The following SLC25A31 variants were observed in gnomAD, a reference collection of about 807,000 sequenced individuals.
The protein encoded by SLC25A31 is ADP/ATP translocase 4.
In SLC25A31, 40 loss-of-function variants were observed where a neutral mutation model predicts 36.2. The observed-to-expected ratio is 1.10, with a 90% CI of 0.86 to 1.44. The LOEUF (loss-of-function observed/expected upper bound fraction) is 1.44, where lower values mean the gene tolerates loss of function less well. SLC25A31 is among the 40% of genes most tolerant of loss of function. The pLI, the probability that SLC25A31 is intolerant of heterozygous loss-of-function variation, is 0.00. For missense variants in SLC25A31, 350 were observed against 397.1 expected (o/e 0.88, Z 1.01); for synonymous variants, 143 against 149.7 (o/e 0.96, Z 0.32).
In SLC25A31 at chr4:127,767,125, G is replaced by A; in HGVS notation, c.538G>A (p.Asp180Asn). The A allele has an allele frequency of 6.2e-7, 1 of 1,613,830 alleles. No individual in the cohort carries two copies. The change falls in exon 4 of 6, where the codon GAT (aspartate) becomes AAT (asparagine). Residue 180 changes from aspartate (D) to asparagine (N), a missense_variant. Transcript: ENST00000281154. Reference sequence around the variant, plus strand: ...CTGTATTATGAAAATAGCAAAATCAGATGGAATTGCTGGTTTATACCAAGG... The same window carrying A: ...CTGTATTATGAAAATAGCAAAATCAAATGGAATTGCTGGTTTATACCAAGG... ...GDCIMKIAKS[D>N]GIAGLYQGFG...
intron 1 of SLC25A31, among the ~76,000 whole-genome samples, chr4:127,739,769 C>G (rs1184769998): frequency 6.6e-6 from 1 of 151,932 alleles, no homozygotes; most frequent in African/African-American, 2.4e-5. Flanking sequence ...AGACTTTGTT[C>G]ATTTATTAAA....
intron 5 of SLC25A31, among the ~76,000 whole-genome samples, chr4:127,770,138 A>G (rs1047696111): frequency 6.6e-6 from 1 of 152,190 alleles, no homozygotes; most frequent in African/African-American, 2.4e-5. Context: ...GATAATACTT[A>G]GAGTTATTCC....
intron 1 of SLC25A31, among the ~76,000 whole-genome samples, chr4:127,736,091 T>A (rs905050243): frequency 6.6e-6 from 1 of 151,010 alleles, no homozygotes; most frequent in African/African-American, 2.4e-5. Flanking sequence ...GGGTTTCACC[T>A]TGTTAGCCAG....
At chr4:127,747,158 C>T (rs1731841471) in intron 2 of SLC25A31, among the ~76,000 whole-genome samples, 1 of 152,164 alleles carries the variant, frequency 6.6e-6, no homozygotes, top group African/African-American at 2.4e-5. Flanking sequence ...TAGTACCATG[C>T]TGTTTTGGTT....
intron 3 of SLC25A31, among the ~76,000 whole-genome samples, chr4:127,765,347 T>A (rs900346198): frequency 3.9e-5 from 6 of 152,242 alleles, no homozygotes; most frequent in African/African-American, 1.4e-4. Flanking sequence ...GTTCAGCTTT[T>A]TCTGCTCTAT....
rs1732056095 is a variant in SLC25A31, at chr4:127,757,698, T to C, written c.361-6545T>C. Among the ~76,000 whole-genome samples the C allele has an allele frequency of 3.3e-5, 5 of 152,192 alleles. 1 individual carries two copies. In the South Asian group the frequency reaches 1.0e-3, roughly 31 times the overall value. ...GTTCTATTTTTAGTTCTTTGAGATA[T>C]CTCCATACTGTTTTCCATGGGGGTT... On this transcript the variant is annotated intron_variant, in intron 2 of 5. Coordinates refer to ENST00000281154, the MANE Select transcript of SLC25A31 (RefSeq NM_031291.4).
At chr4:127,766,147 T>A (rs1390138736) in intron 3 of SLC25A31, among the ~76,000 whole-genome samples, 1 of 92,208 alleles carries the variant, frequency 1.1e-5, no homozygotes, top group Non-Finnish European at 2.3e-5. Context: ...GGAGTTTTTT[T>A]ATTTGTTTTT....
At chr4:127,760,921 C>T (rs1732115779) in intron 2 of SLC25A31, among the ~76,000 whole-genome samples, 1 of 152,138 alleles carries the variant, frequency 6.6e-6, no homozygotes, top group South Asian at 2.1e-4. Context: ...CGCCTGTAGT[C>T]CCAGCACTCC....
rs755930570 is a variant in SLC25A31 at position 127,773,903 on chromosome 4, C to A, written c.*329C>A. 7 of 172,582 alleles carry A rather than the reference C, an allele frequency of 4.1e-5. No homozygotes were observed. Among genetic ancestry groups the A allele is most frequent in the Non-Finnish European group, 7.3e-5 (6 of 81,904 alleles). The allele number at this position is 172,582 out of a possible 1,614,324, so 10.7% of individuals were successfully genotyped here. On this transcript the variant is annotated 3_prime_UTR_variant, in exon 6 of 6. Transcript: ENST00000281154. ...GCTGAAATCTAGGAAATGAAAGTAGCGTCTTTTAAATTGCTATTCATTTAA... is the reference window on the plus strand; with the variant it reads ...GCTGAAATCTAGGAAATGAAAGTAGAGTCTTTTAAATTGCTATTCATTTAA...
At chr4:127,766,101 G>T (rs1219068408) in intron 3 of SLC25A31, among the ~76,000 whole-genome samples, 1 of 150,542 alleles carries the variant, frequency 6.6e-6, no homozygotes, top group African/African-American at 2.4e-5. Flanking sequence ...ATCCTTACTA[G>T]TTTTTAGCTT....
chr4:127,768,670 T>C lies in SLC25A31; in HGVS notation c.634-82T>C, dbSNP rs1297852794. ...GTATAATTGGGCCCTCTTTCATATA[T>C]TTATAAAAATTATCCTTTAACTTAA... On this transcript the variant is annotated intron_variant, in intron 4 of 5. Coordinates refer to ENST00000281154, the MANE Select transcript of SLC25A31 (RefSeq NM_031291.4). 9 of 1,222,238 alleles carry C rather than the reference T, an allele frequency of 7.4e-6. No homozygotes were observed. In the African/African-American group the frequency reaches 1.1e-4, roughly 15 times the overall value. The allele number at this position is 1,222,238 out of a possible 1,614,324, so 75.7% of individuals were successfully genotyped here.
intron 4 of SLC25A31, 72 bp downstream of exon 4, chr4:127,767,292 C>A: frequency 8.4e-7 from 1 of 1,196,030 alleles, no homozygotes; most frequent in South Asian, 2.5e-5. Flanking sequence ...ATGTTTTCAG[C>A]AGATATGTTA....
At chr4:127,768,934 G>A in intron 5 of SLC25A31, 57 bp downstream of exon 5, 1 of 1,445,530 alleles carries the variant, frequency 6.9e-7, no homozygotes, top group Non-Finnish European at 9.2e-7. Flanking sequence ...CTGATATTTA[G>A]GTATAATCAA....
chr4:127,749,293 A>G (rs1731882081), intron 2 of SLC25A31, among the ~76,000 whole-genome samples: 2 of 152,226 alleles, frequency 1.3e-5, no homozygotes, highest in Admixed American at 1.3e-4. Context: ...CAAATGTACA[A>G]ATGTGTGAAT....
At chr4:127,770,949 C>CTTTTTTTTTTTT (rs558206857) in intron 5 of SLC25A31, among the ~76,000 whole-genome samples, 1 of 80,812 alleles carries the variant, frequency 1.2e-5, no homozygotes, top group Non-Finnish European at 2.3e-5. Flanking sequence ...TCTTCTTCTT[C>CTTTTTTTTTTTT]TTTTTTTTTT....
chr4:127,739,048 A>G (rs1578656481), intron 1 of SLC25A31, among the ~76,000 whole-genome samples: 2 of 152,130 alleles, frequency 1.3e-5, no homozygotes, highest in East Asian at 3.9e-4. Flanking sequence ...CTTGTTTTTT[A>G]TCCAACTTGT....
Position 127,730,916 on chromosome 4 carries a change from C to G in SLC25A31, c.232+139C>G. ...GTCGGTGATGAATTTGCTTCTTACCCTTCCAGAATTTAGTTTCTGAACCTA... is the reference window on the plus strand; with the variant it reads ...GTCGGTGATGAATTTGCTTCTTACCGTTCCAGAATTTAGTTTCTGAACCTA... On this transcript the variant is annotated intron_variant, in intron 1 of 5. Transcript: ENST00000281154. 3.5e-6 allele frequency: 3 copies of G among 862,938 alleles called. No homozygotes were observed. The South Asian group carries it at 5.3e-5, about 15-fold the overall frequency. The allele number at this position is 862,938 out of a possible 1,614,324, so 53.5% of individuals were successfully genotyped here. A position where few individuals can be genotyped will look rare whatever the true frequency, so the allele number is the denominator to read the frequency against.
intron 3 of SLC25A31, among the ~76,000 whole-genome samples, chr4:127,765,138 C>A (rs1732217373): frequency 6.6e-6 from 1 of 152,112 alleles, no homozygotes; most frequent in Non-Finnish European, 1.5e-5. Flanking sequence ...AAATCTGGAG[C>A]CTTGTGTTCA....
intron 2 of SLC25A31, among the ~76,000 whole-genome samples, chr4:127,748,535 C>A (rs111775201): frequency 3.3e-5 from 5 of 152,270 alleles, no homozygotes; most frequent in South Asian, 2.1e-4. Flanking sequence ...AGTAACAGGC[C>A]TACCATCAAT....
Sources: gnomAD v4.1 joint callset for allele counts (sites outside exome capture counted in the v4.1 genomes callset) on GRCh38, gnomAD v4.1.1 for gene constraint, MANE v1.5 for transcripts, NCBI Gene and HGNC (gene_info 2026-07-23, HGNC 2026-07-21) for gene names.